CFAP44: variants seen among roughly 807,000 people sequenced by gnomAD.
The protein encoded by CFAP44 is cilia- and flagella-associated protein 44.
A neutral mutation model predicts 216.2 loss-of-function variants in CFAP44; 134 were observed. The observed-to-expected ratio is 0.62, with a 90% CI of 0.54 to 0.72. The LOEUF (loss-of-function observed/expected upper bound fraction) is 0.72, where lower values mean the gene tolerates loss of function less well. Among genes scored for constraint, CFAP44 ranks in the 30% least tolerant of loss-of-function variants. CFAP44 has a pLI of 0.00. For synonymous variants in CFAP44, 700 were observed against 727.6 expected, an observed-to-expected ratio of 0.96 and a Z score of 0.61; for missense variants, 2,035 against 2,182.1, an observed-to-expected ratio of 0.93 and a Z score of 1.34.
chr3:113,344,805 T>C (rs755561307), intron 22 of CFAP44, 93 bp from the exon 23 acceptor site: 3 of 1,128,102 alleles, frequency 2.7e-6, no homozygotes, highest in Non-Finnish European at 2.4e-6. Flanking sequence ...TACACTATTC[T>C]TATTATATCA....
chr3:113,309,323 T>C (rs971748426), intron 28 of CFAP44, among the ~76,000 whole-genome samples: 3 of 152,222 alleles, frequency 2.0e-5, no homozygotes, highest in African/African-American at 7.2e-5. Context: ...AGAATTACCC[T>C]ACTTCTTAGT....
At chr3:113,294,367 T>C in intron 34 of CFAP44, 1 of 329,804 alleles carries the variant, frequency 3.0e-6, no homozygotes, top group South Asian at 3.3e-5. Flanking sequence ...AAATACATGT[T>C]TGACACCAAA....
Position 113,304,054 on chromosome 3 carries a change from G to C in CFAP44, c.4939C>G (p.His1647Asp). 3.3e-6 allele frequency: 5 copies of C among 1,537,202 alleles called. No individual in the cohort carries two copies. Among genetic ancestry groups the C allele is most frequent in the Non-Finnish European group, 3.5e-6 (4 of 1,146,918 alleles). Residue 1647 changes from histidine (H) to aspartate (D), a missense_variant, in exon 32 of 35, where the codon CAT (histidine) becomes GAT (aspartate). This residue lies in a region of CFAP44 where 1,883 missense variants were observed against 2,023.7 expected (regional missense o/e 0.93). Coordinates refer to ENST00000393845, the MANE Select transcript of CFAP44 (RefSeq NM_001164496.2). ...CGTTCTTGCAGCCGTCTCAAGGCATGGTTAGAGAAGACCAAAGTACCAGAA... is the reference window on the plus strand; with the variant it reads ...CGTTCTTGCAGCCGTCTCAAGGCATCGTTAGAGAAGACCAAAGTACCAGAA... ...DLSGTLVFSN[H>D]ALRRLQERIH...
At chr3:113,357,499 C>A (rs1441341361) in intron 22 of CFAP44, among the ~76,000 whole-genome samples, 1 of 152,072 alleles carries the variant, frequency 6.6e-6, no homozygotes, top group Admixed American at 6.5e-5. Context: ...CCAAGAAAAC[C>A]AAAGGTTGCT....
intron 24 of CFAP44, among the ~76,000 whole-genome samples, chr3:113,340,067 C>A (rs1400575035): frequency 6.6e-6 from 1 of 152,286 alleles, no homozygotes; most frequent in South Asian, 2.1e-4. Context: ...ACCATCATGG[C>A]TTTCTCCCGC....
At chr3:113,355,293 G>T (rs34680203) in intron 22 of CFAP44, among the ~76,000 whole-genome samples, 2 of 152,238 alleles carry the variant, frequency 1.3e-5, no homozygotes, top group Middle Eastern at 3.4e-3. Context: ...GGCCTAGGCG[G>T]GTGGATCACG....
At chr3:113,404,061 G>A (rs776791085) in intron 8 of CFAP44, 45 bp from the exon 9 acceptor site, 29 of 1,531,392 alleles carry the variant, frequency 1.9e-5, no homozygotes, top group Non-Finnish European at 2.4e-5. Flanking sequence ...AAACAGGTAA[G>A]TGTACATATT....
intron 15 of CFAP44, among the ~76,000 whole-genome samples, chr3:113,383,891 C>A (rs909505821): frequency 1.3e-5 from 2 of 152,002 alleles, no homozygotes; most frequent in Admixed American, 6.6e-5. Flanking sequence ...CTAATGCTAT[C>A]CCTCCCCTAG....
In CFAP44 at chr3:113,326,708, T is replaced by C; in HGVS notation, c.4321-68A>G. On this transcript the variant is annotated intron_variant, in intron 27 of 34. Coordinates refer to ENST00000393845, the MANE Select transcript of CFAP44 (RefSeq NM_001164496.2). Reference sequence around the variant, plus strand: ...AAACCAAGTTCAGAGAGCAATGTACTTTACAATACAAGGTTACAGTTTACA... The same window carrying C: ...AAACCAAGTTCAGAGAGCAATGTACCTTACAATACAAGGTTACAGTTTACA... 4 of 934,388 alleles carry C rather than the reference T, an allele frequency of 4.3e-6. No homozygotes were observed. The South Asian group carries it at 6.7e-5, about 16-fold the overall frequency. 57.9% of individuals were successfully genotyped at this position (934,388 alleles called of 1,614,324 possible). A position where few individuals can be genotyped will look rare whatever the true frequency, so the allele number is the denominator to read the frequency against.
chr3:113,359,974 G>A (rs1418679083), intron 21 of CFAP44, among the ~76,000 whole-genome samples: 1 of 151,386 alleles, frequency 6.6e-6, no homozygotes, highest in Non-Finnish European at 1.5e-5. Context: ...AGAAATAGAA[G>A]CACAGACAAT....
At position 113,416,425 on chromosome 3, in the gene CFAP44, T is replaced by A. The variant is rs867426329; in HGVS notation, c.673+100A>T. 16 of 898,784 alleles carry A rather than the reference T, an allele frequency of 1.8e-5. No individual in the cohort carries two copies. In the Middle Eastern group the frequency reaches 3.3e-3, roughly 185 times the overall value. The allele number at this position is 898,784 out of a possible 1,614,324, so 55.7% of individuals were successfully genotyped here. A position where few individuals can be genotyped will look rare whatever the true frequency, so the allele number is the denominator to read the frequency against. ...TCTCTTTTCTGTCTTCCACTAGTTC[T>A]GTTTCTCTGGAGAACCTTGACTTAT... On this transcript the variant is annotated intron_variant, in intron 6 of 34. Coordinates refer to ENST00000393845, the MANE Select transcript of CFAP44 (RefSeq NM_001164496.2).
chr3:113,406,082 T>A (rs539736282), intron 8 of CFAP44, among the ~76,000 whole-genome samples: 1 of 152,234 alleles, frequency 6.6e-6, no homozygotes, highest in Non-Finnish European at 1.5e-5. Context: ...GATAGAGAAC[T>A]AATCCTAATT....
chr3:113,313,687 G>A (rs1326060728), intron 28 of CFAP44, among the ~76,000 whole-genome samples: 1 of 152,102 alleles, frequency 6.6e-6, no homozygotes, highest in Non-Finnish European at 1.5e-5. Flanking sequence ...TGTTCTCATG[G>A]CAGTGAATAT....
chr3:113,295,381 G>T (rs1576533148), intron 33 of CFAP44, among the ~76,000 whole-genome samples: 1 of 152,074 alleles, frequency 6.6e-6, no homozygotes, highest in Admixed American at 6.6e-5. Context: ...TTTATTTTTT[G>T]TAGAGACAGG....
At chr3:113,420,284 G>A (rs562286721) in intron 4 of CFAP44, 105 bp from the exon 5 acceptor site, 2 of 1,179,394 alleles carry the variant, frequency 1.7e-6, no homozygotes, top group East Asian at 5.8e-5. Context: ...ATGAAGATGT[G>A]AGGTTGAAGT....
At chr3:113,400,672 T>G in intron 11 of CFAP44, 28 bp from the exon 12 acceptor site, 1 of 1,576,420 alleles carries the variant, frequency 6.3e-7, no homozygotes. Context: ...GCTTACTAGA[T>G]CTCAAAGACA....
At position 113,350,920 on chromosome 3, in the gene CFAP44, T is replaced by C. The variant is rs114817148; in HGVS notation, c.3066-6208A>G. ...ACTAACAGGGGATCTAGGTCTTGAT[T>C]GGTTGCCATACAGGGGTCTGACCAG... is the stretch of plus-strand genomic sequence containing the variant. On this transcript the variant is annotated intron_variant, in intron 22 of 34. Transcript: ENST00000393845. 5.4e-3 allele frequency among the ~76,000 whole-genome samples: 828 copies of C among 152,324 alleles called. 10 individuals are homozygous for C. The highest frequency in any genetic ancestry group is 0.019 in the African/African-American group (795 of 41,574).
At chr3:113,431,147 G>A (rs189338961) in intron 2 of CFAP44, among the ~76,000 whole-genome samples, 6 of 152,064 alleles carry the variant, frequency 3.9e-5, no homozygotes, top group Admixed American at 2.0e-4. Context: ...TTTCAGGGGT[G>A]GGGGGAATGC....
At chr3:113,376,963 G>A (rs1933363386) in intron 17 of CFAP44, among the ~76,000 whole-genome samples, 1 of 152,186 alleles carries the variant, frequency 6.6e-6, no homozygotes, top group Non-Finnish European at 1.5e-5. Context: ...GAGCCATTGG[G>A]AACAGTGTCC....
Sources: allele counts gnomAD v4.1 joint callset (sites outside exome capture counted in the v4.1 genomes callset), GRCh38; gene constraint gnomAD v4.1.1; regional missense constraint gnomAD v4.1.1; transcripts MANE v1.5; gene names NCBI Gene and HGNC (gene_info 2026-07-23, HGNC 2026-07-21).